Variants in BICC1 observed in about 807,000 individuals in gnomAD.
BICC1 encodes the protein BicC family RNA binding protein 1.
BICC1 carries 43 observed loss-of-function variants against 111.0 expected under a neutral mutation model. That is an observed-to-expected ratio of 0.39 (90% CI 0.30 to 0.50). The LOEUF is 0.50. Ranked by LOEUF, BICC1 falls within the 20% of genes least tolerant of loss-of-function variation. The pLI is 0.88. For missense variants in BICC1, 1,091 were observed against 1,203.2 expected (o/e 0.91, Z 1.38); for synonymous variants, 467 against 434.4 (o/e 1.07, Z -0.93).
chr10:58,662,365 A>T (rs897501123), intron 2 of BICC1, among the ~76,000 whole-genome samples: 1 of 152,206 alleles, frequency 6.6e-6, no homozygotes, highest in Admixed American at 6.5e-5. Flanking sequence ...ATCCTTTTAA[A>T]CAAGGGTTTT....
chr10:58,662,129 C>T (rs994590219), intron 2 of BICC1, among the ~76,000 whole-genome samples: 1 of 152,104 alleles, frequency 6.6e-6, no homozygotes, highest in Non-Finnish European at 1.5e-5. Flanking sequence ...TAGCACCTGC[C>T]TCTGGTGTAC....
chr10:58,692,896 A>G (rs562062024), intron 2 of BICC1, among the ~76,000 whole-genome samples: 50 of 150,608 alleles, frequency 3.3e-4, no homozygotes, highest in Non-Finnish European at 6.5e-4. Context: ...GTTTTAGGGT[A>G]CATGTGCACA....
intron 2 of BICC1, among the ~76,000 whole-genome samples, chr10:58,682,998 G>T (rs1839587437): frequency 6.6e-6 from 1 of 152,152 alleles, no homozygotes; most frequent in South Asian, 2.1e-4. Flanking sequence ...TTTTCTTCTA[G>T]GGTTTTTATG....
intron 1 of BICC1, among the ~76,000 whole-genome samples, chr10:58,608,939 C>T (rs543388900): frequency 5.3e-5 from 8 of 152,348 alleles, no homozygotes; most frequent in Non-Finnish European, 8.8e-5. Context: ...CCTCTGTCAA[C>T]TTCCAGTTTT....
intron 3 of BICC1, among the ~76,000 whole-genome samples, chr10:58,774,868 G>A (rs1842708429): frequency 6.6e-6 from 1 of 151,992 alleles, no homozygotes; most frequent in Admixed American, 6.6e-5. Context: ...CATGTCTTTT[G>A]CCCATTTCCT....
intron 1 of BICC1, among the ~76,000 whole-genome samples, chr10:58,563,777 T>C (rs1843677159): frequency 6.6e-6 from 1 of 152,222 alleles, no homozygotes; most frequent in Admixed American, 6.5e-5. Flanking sequence ...ATAAATTTTC[T>C]TTGGATTGCA....
rs1456740782 is a variant in BICC1, at chr10:58,639,729, T to TG, written c.237+18828_237+18829insG. Among the ~76,000 whole-genome samples the TG allele has an allele frequency of 6.3e-5, 9 of 142,556 alleles. No individual in the cohort carries two copies. The East Asian group carries it at 1.8e-3, about 29-fold the overall frequency. The allele number at this position is 142,556 out of a possible 152,430, so 93.5% of individuals were successfully genotyped here. A position where few individuals can be genotyped will look rare whatever the true frequency, so the allele number is the denominator to read the frequency against. On this transcript the variant is annotated intron_variant, in intron 2 of 20. Coordinates refer to ENST00000373886, the MANE Select transcript of BICC1 (RefSeq NM_001080512.3). ...ACTGTGCCCGGCCAAATTTTTTTTT[T>TG]TTTTTTTTTTTTTGAGACAGGGTCC...
In BICC1 at chr10:58,513,100, C is replaced by A. The variant is rs904086737; in HGVS notation, c.-44C>A. On this transcript the variant is annotated 5_prime_UTR_variant, in exon 1 of 21. Coordinates refer to ENST00000373886, the MANE Select transcript of BICC1 (RefSeq NM_001080512.3). ...CGGCGAGCGGAGGCGGCAGCGCAGG[C>A]AGAGCGGCGGCGGCAGCGGGAGCCC... 4.3e-5 allele frequency: 57 copies of A among 1,329,218 alleles called. No homozygotes were observed. The highest frequency in any genetic ancestry group is 8.2e-5 in the Admixed American group (2 of 24,246). 82.3% of individuals were successfully genotyped at this position (1,329,218 alleles called of 1,614,324 possible).
intron 3 of BICC1, among the ~76,000 whole-genome samples, chr10:58,728,608 G>A (rs1483807110): frequency 6.6e-6 from 1 of 152,026 alleles, no homozygotes; most frequent in East Asian, 1.9e-4. Context: ...ATGATACATA[G>A]AATAATACAT....
intron 3 of BICC1, among the ~76,000 whole-genome samples, chr10:58,731,707 GGA>G (rs60117655): frequency 0.015 from 2,166 of 147,776 alleles, 61 homozygotes; most frequent in African/African-American, 0.048. Flanking sequence ...CAGGACAAGG[GGA>G]GAGAGAGAGA....
chr10:58,717,099 G>T (rs939669907), intron 3 of BICC1, among the ~76,000 whole-genome samples: 1 of 152,162 alleles, frequency 6.6e-6, no homozygotes, highest in African/African-American at 2.4e-5. Context: ...TTTGGCTTGG[G>T]AGAGGAATTA....
At position 58,816,428 on chromosome 10, in the gene BICC1, A is replaced by G. The variant is rs541711219; in HGVS notation, c.2534-1134A>G. On this transcript the variant is annotated intron_variant, in intron 18 of 20. Transcript: ENST00000373886. ...GATAAACAGCAGCTATCCTTAAGAG[A>G]AAAACCTTTTCAGGAAATGCCTTCT... Among the ~76,000 whole-genome samples the G allele has an allele frequency of 2.0e-5, 3 of 152,288 alleles. No individual in the cohort carries two copies. The East Asian group carries it at 5.8e-4, about 29-fold the overall frequency.
At chr10:58,625,408 C>G (rs1845958806) in intron 2 of BICC1, among the ~76,000 whole-genome samples, 1 of 151,984 alleles carries the variant, frequency 6.6e-6, no homozygotes, top group Non-Finnish European at 1.5e-5. Context: ...TCTGTAATCC[C>G]AATGGTTGGA....
At chr10:58,705,609 G>A (rs1038238244) in intron 3 of BICC1, among the ~76,000 whole-genome samples, 1 of 152,156 alleles carries the variant, frequency 6.6e-6, no homozygotes, top group African/African-American at 2.4e-5. Context: ...TATAGTAGGG[G>A]CAAAAGTAAT....
At chr10:58,812,017 A>C (rs1345473620) in intron 17 of BICC1, among the ~76,000 whole-genome samples, 1 of 152,224 alleles carries the variant, frequency 6.6e-6, no homozygotes, top group African/African-American at 2.4e-5. Context: ...GGTAAGGCAC[A>C]GTGGAAATAC....
At chr10:58,639,587 T>C (rs1299966988) in intron 2 of BICC1, among the ~76,000 whole-genome samples, 2 of 118,110 alleles carry the variant, frequency 1.7e-5, no homozygotes, top group Non-Finnish European at 3.5e-5. Context: ...TTTTTTTTTT[T>C]TGTATTTTTA....
chr10:58,818,605 T>C (rs1241607787), intron 19 of BICC1, among the ~76,000 whole-genome samples: 1 of 152,102 alleles, frequency 6.6e-6, no homozygotes, highest in Non-Finnish European at 1.5e-5. Context: ...GTCCAATAAA[T>C]TATTAAGTTT....
chr10:58,603,154 A>G (rs1845097191), intron 1 of BICC1, among the ~76,000 whole-genome samples: 1 of 152,192 alleles, frequency 6.6e-6, no homozygotes, highest in South Asian at 2.1e-4. Context: ...TGTGCTAAAC[A>G]CTGAGAGCAA....
At chr10:58,820,277 T>G (rs1844215719) in intron 19 of BICC1, 92 bp from the exon 20 acceptor site, 1 of 804,818 alleles carries the variant, frequency 1.2e-6, no homozygotes, top group Admixed American at 2.1e-5. Flanking sequence ...AGAGCATAAT[T>G]AATAAATAAG....
Sources: gnomAD v4.1 joint callset for allele counts (sites outside exome capture counted in the v4.1 genomes callset) on GRCh38, gnomAD v4.1.1 for gene constraint, MANE v1.5 for transcripts, NCBI Gene and HGNC (gene_info 2026-07-23, HGNC 2026-07-21) for gene names.